Variants in SRGAP1 observed in about 807,000 individuals in gnomAD.
The protein encoded by SRGAP1 is SLIT-ROBO Rho GTPase-activating protein 1.
A neutral mutation model predicts 121.9 loss-of-function variants in SRGAP1; 43 were observed. The ratio of observed to expected loss-of-function variants is 0.35; its 90% CI spans 0.28 to 0.46. The LOEUF is 0.46. Ranked by LOEUF, SRGAP1 falls within the 20% of genes least tolerant of loss-of-function variation. The pLI, the probability that SRGAP1 is intolerant of heterozygous loss-of-function variation, is 1.00. For missense variants in SRGAP1, 1,102 were observed against 1,350.9 expected (o/e 0.82, Z 2.89); for synonymous variants, 447 against 485.4 (o/e 0.92, Z 1.04).
chr12:63,983,935 T>C lies in SRGAP1; in HGVS notation c.68-12T>C, dbSNP rs190622321. 1.4e-6 allele frequency: 2 copies of C among 1,459,688 alleles called. No individual in the cohort carries two copies. Among genetic ancestry groups the C allele is most frequent in the Admixed American group, 4.2e-5 (2 of 48,016 alleles). The allele number at this position is 1,459,688 out of a possible 1,614,324, so 90.4% of individuals were successfully genotyped here. On this transcript the variant is annotated splice_polypyrimidine_tract_variant and intron_variant, in intron 1 of 21. Coordinates refer to ENST00000355086, the MANE Select transcript of SRGAP1 (RefSeq NM_020762.4). ...TAATGTAACCATCCATTGGCTTCTCTTCTCTCCTTAGAAATTCGAGCTCAA... is the reference window on the plus strand; with the variant it reads ...TAATGTAACCATCCATTGGCTTCTCCTCTCTCCTTAGAAATTCGAGCTCAA...
Position 63,921,215 on chromosome 12 carries a change from C to T in SRGAP1, c.68-62732C>T, listed in dbSNP as rs185486990. On this transcript the variant is annotated intron_variant, in intron 1 of 21. Transcript: ENST00000355086. ...TATTTCCATCTCCATCGTGATCACT[C>T]TAATGCCAGCTACGTTACCACCAGT... is the stretch of plus-strand genomic sequence containing the variant. Among the ~76,000 whole-genome samples, 205 of 152,334 alleles carry T rather than the reference C, an allele frequency of 1.3e-3. 1 individual carries two copies. The highest frequency in any genetic ancestry group is 6.8e-3 in the Middle Eastern group (2 of 294).
chr12:64,058,791 A>G (rs959635703), intron 6 of SRGAP1, among the ~76,000 whole-genome samples: 10 of 142,000 alleles, frequency 7.0e-5, no homozygotes, highest in Admixed American at 4.3e-4. Context: ...TAACAGATCC[A>G]GTGTCATTTC....
chr12:64,010,877 A>G (rs1271672056), intron 3 of SRGAP1, among the ~76,000 whole-genome samples: 1 of 151,120 alleles, frequency 6.6e-6, no homozygotes, highest in Non-Finnish European at 1.5e-5. Flanking sequence ...TAGAGTTTGA[A>G]CTCTTAGCCA....
chr12:64,008,364 GTTTTTC>G (rs10572792), intron 3 of SRGAP1, among the ~76,000 whole-genome samples: 63,776 of 151,368 alleles, frequency 0.42, 13,813 homozygotes, highest in African/African-American at 0.48. Flanking sequence ...CCATAAGAAT[GTTTTTC>G]TTTTTCTATT....
chr12:63,910,785 A>G (rs2030456704), intron 1 of SRGAP1, among the ~76,000 whole-genome samples: 3 of 152,186 alleles, frequency 2.0e-5, no homozygotes, highest in Admixed American at 6.5e-5. Context: ...TAAAACCAAT[A>G]TAATATGTTG....
At chr12:64,026,591 G>A (rs76060659) in intron 4 of SRGAP1, among the ~76,000 whole-genome samples, 1 of 152,060 alleles carries the variant, frequency 6.6e-6, no homozygotes, top group South Asian at 2.1e-4. Context: ...TAAGAACCAG[G>A]CGCAGTGGCT....
At chr12:63,873,911 G>A (rs143482222) in intron 1 of SRGAP1, among the ~76,000 whole-genome samples, 8 of 151,776 alleles carry the variant, frequency 5.3e-5, no homozygotes, top group Non-Finnish European at 1.0e-4. Context: ...GCCTATGGTC[G>A]CATGCAGCTA....
intron 3 of SRGAP1, among the ~76,000 whole-genome samples, chr12:63,992,545 G>T (rs2033582024): frequency 6.6e-6 from 1 of 152,060 alleles, no homozygotes; most frequent in Admixed American, 6.5e-5. Flanking sequence ...TTGGTGGAGG[G>T]TAATTCCCAG....
intron 2 of SRGAP1, among the ~76,000 whole-genome samples, chr12:63,988,622 G>A (rs758878529): frequency 2.0e-5 from 3 of 152,112 alleles, no homozygotes; most frequent in Non-Finnish European, 2.9e-5. Flanking sequence ...TCTGAGAGAC[G>A]TAATGGCAGA....
intron 1 of SRGAP1, among the ~76,000 whole-genome samples, chr12:63,899,075 C>T (rs901246492): frequency 6.6e-6 from 1 of 152,142 alleles, no homozygotes; most frequent in Non-Finnish European, 1.5e-5. Context: ...AGTTTACCTT[C>T]TCAAAAATAG....
At chr12:63,879,758 A>G (rs1441808689) in intron 1 of SRGAP1, among the ~76,000 whole-genome samples, 1 of 152,218 alleles carries the variant, frequency 6.6e-6, no homozygotes, top group African/African-American at 2.4e-5. Flanking sequence ...CTACCTCAAA[A>G]GTAGTTACCA....
chr12:63,946,144 A>G (rs2032038675), intron 1 of SRGAP1, among the ~76,000 whole-genome samples: 1 of 152,170 alleles, frequency 6.6e-6, no homozygotes, highest in East Asian at 1.9e-4. Context: ...GCATTATGAA[A>G]TGGAGGTCTT....
At chr12:63,853,022 A>ATT (rs141845676) in intron 1 of SRGAP1, among the ~76,000 whole-genome samples, 1 of 143,790 alleles carries the variant, frequency 7.0e-6, no homozygotes, top group Non-Finnish European at 1.5e-5. Context: ...TTACCGCAAA[A>ATT]TTTTTTTTTT....
At chr12:63,980,718 C>T (rs918492809) in intron 1 of SRGAP1, among the ~76,000 whole-genome samples, 13 of 151,800 alleles carry the variant, frequency 8.6e-5, no homozygotes, top group Non-Finnish European at 1.5e-4. Context: ...CTCAGACTCC[C>T]GAGTAGCTGG....
rs182268387 is a variant in SRGAP1, at chr12:64,043,052, C to T, written c.672+80C>T. 4.3e-3 allele frequency: 4,004 copies of T among 938,428 alleles called. 18 individuals are homozygous for T. The highest frequency in any genetic ancestry group is 5.8e-3 in the Non-Finnish European group (3,521 of 606,828). 58.1% of individuals were successfully genotyped at this position (938,428 alleles called of 1,614,324 possible). A position where few individuals can be genotyped will look rare whatever the true frequency, so the allele number is the denominator to read the frequency against. ...GAACACTGATGCAATAGCTGATATC[C>T]ACACATTGTAAGTTATTGTGAAAAG... On this transcript the variant is annotated intron_variant, in intron 5 of 21. Coordinates refer to ENST00000355086, the MANE Select transcript of SRGAP1 (RefSeq NM_020762.4).
At chr12:63,987,406 G>A (rs2033446344) in intron 2 of SRGAP1, among the ~76,000 whole-genome samples, 1 of 152,128 alleles carries the variant, frequency 6.6e-6, no homozygotes, top group African/African-American at 2.4e-5. Context: ...GCCTTGCTAA[G>A]CTTCCATTCT....
Position 63,844,805 on chromosome 12 carries a change from A to C in SRGAP1, c.-12A>C, listed in dbSNP as rs777464796. 5.6e-6 allele frequency: 9 copies of C among 1,614,048 alleles called. No homozygotes were observed. The highest frequency in any genetic ancestry group is 8.5e-7 in the Non-Finnish European group (1 of 1,180,016). ...ACTTGCCCATTGAAAGCAAACCCGG[A>C]ACAGCTGGATAATGTCCACCCCGAG... On this transcript the variant is annotated 5_prime_UTR_variant, in exon 1 of 22. Coordinates refer to ENST00000355086, the MANE Select transcript of SRGAP1 (RefSeq NM_020762.4). The surrounding 1 kb of genome is among the most constrained non-coding windows in gnomAD (Gnocchi z 4.3).
rs1371859792 is a variant in SRGAP1, at chr12:64,146,642, CTCAG to C, written c.*3973_*3976del. On this transcript the variant is annotated 3_prime_UTR_variant, in exon 22 of 22. Coordinates refer to ENST00000355086, the MANE Select transcript of SRGAP1 (RefSeq NM_020762.4). ...TTTTGTGCAGGAAATGTGCTTAGGA[CTCAG>C]TCTTGTTTTCGATTATCCACCACAG... is the stretch of plus-strand genomic sequence containing the variant. 6.6e-6 allele frequency: 1 copy of C among 152,102 alleles called. No individual in the cohort carries two copies. The highest frequency in any genetic ancestry group is 2.4e-5 in the African/African-American group (1 of 41,390). 9.4% of individuals were successfully genotyped at this position (152,102 alleles called of 1,614,324 possible).
At chr12:63,975,102 A>G (rs1202649340) in intron 1 of SRGAP1, among the ~76,000 whole-genome samples, 5 of 152,200 alleles carry the variant, frequency 3.3e-5, no homozygotes, top group African/African-American at 1.2e-4. Flanking sequence ...ATGAGAAAGT[A>G]TTTTCCTATT....
Sources: allele counts gnomAD v4.1 joint callset (sites outside exome capture counted in the v4.1 genomes callset), GRCh38; gene constraint gnomAD v4.1.1; non-coding constraint Gnocchi (gnomAD v3.1); transcripts MANE v1.5; gene names NCBI Gene and HGNC (gene_info 2026-07-23, HGNC 2026-07-21).